AOPEP: variants seen among roughly 807,000 people sequenced by gnomAD.
AOPEP encodes aminopeptidase O.
AOPEP carries 77 observed loss-of-function variants against 98.1 expected under a neutral mutation model. That is an observed-to-expected ratio of 0.78 (90% CI 0.65 to 0.95). AOPEP has a LOEUF of 0.95. Ranked by LOEUF, AOPEP falls within the 40% of genes least tolerant of loss-of-function variation. The pLI is 0.00. For missense variants in AOPEP, 1,024 were observed against 1,024.7 expected (o/e 1.00, Z 0.01); for synonymous variants, 346 against 365.3 (o/e 0.95, Z 0.60).
intron 13 of AOPEP, among the ~76,000 whole-genome samples, chr9:95,008,746 T>C (rs547196017): frequency 2.6e-5 from 4 of 152,350 alleles, no homozygotes; most frequent in African/African-American, 7.2e-5. Flanking sequence ...TTGTGCCATC[T>C]TTCTGTGTTG....
At position 95,060,720 on chromosome 9, in the gene AOPEP, TC is replaced by T; in HGVS notation, c.2143del (p.Leu715TrpfsTer10). On this transcript the variant is annotated frameshift_variant, in exon 14 of 17. Coordinates refer to ENST00000375315, the MANE Select transcript of AOPEP (RefSeq NM_001193329.3). LOFTEE classifies it high-confidence loss of function. The stretch of plus-strand genomic sequence containing the variant: ...TTCTTCCAGACCAGCTGGTCTTGCT[TC>T]TGGAGCATCTCTTGGAGCAGAAGAC... ...KLLPDQLVLL[L>X]EHLLEQKTLS... The T allele has an allele frequency of 6.2e-7, 1 of 1,614,076 alleles. No homozygotes were observed. The highest frequency in any genetic ancestry group is 2.2e-5 in the East Asian group (1 of 44,876).
chr9:94,840,435 G>T (rs527632919), intron 5 of AOPEP, among the ~76,000 whole-genome samples: 1 of 152,276 alleles, frequency 6.6e-6, no homozygotes, highest in Admixed American at 6.5e-5. Flanking sequence ...CTGTGTTCAT[G>T]AGGGATATTG....
chr9:94,843,221 C>T (rs930231829), intron 5 of AOPEP, among the ~76,000 whole-genome samples: 1 of 152,174 alleles, frequency 6.6e-6, no homozygotes, highest in Non-Finnish European at 1.5e-5. Context: ...GGCCTCGGCA[C>T]TTTTCACATC....
At chr9:95,021,125 C>T (rs2133178421) in intron 13 of AOPEP, among the ~76,000 whole-genome samples, 1 of 152,122 alleles carries the variant, frequency 6.6e-6, no homozygotes, top group Middle Eastern at 3.4e-3. Flanking sequence ...TTTAGAGTTT[C>T]TGCAGTCTGT....
chr9:94,845,574 A>T (rs1287111412), intron 5 of AOPEP, among the ~76,000 whole-genome samples: 2 of 152,098 alleles, frequency 1.3e-5, no homozygotes, highest in African/African-American at 4.8e-5. Context: ...CTAATAGAGA[A>T]ATCTACATGC....
chr9:95,026,489 C>T (rs1468402267), intron 13 of AOPEP, among the ~76,000 whole-genome samples: 5 of 152,178 alleles, frequency 3.3e-5, no homozygotes, highest in African/African-American at 7.2e-5. Flanking sequence ...CTTAGCATAA[C>T]GTATTGAGGT....
chr9:94,956,274 G>A (rs1300742919), intron 9 of AOPEP, among the ~76,000 whole-genome samples: 2 of 152,134 alleles, frequency 1.3e-5, no homozygotes, highest in African/African-American at 2.4e-5. Context: ...CAATCCTGCC[G>A]TTCTCTTTAC....
the AOPEP span, chr9:95,111,476 C>T: frequency 8.1e-6 from 13 of 1,613,306 alleles, no homozygotes; most frequent in Admixed American, 6.7e-5. Flanking sequence ...AGTCTGTGCT[C>T]TCTGCTGCCT....
At chr9:94,833,185 C>G (rs1470685498) in intron 5 of AOPEP, among the ~76,000 whole-genome samples, 1 of 150,634 alleles carries the variant, frequency 6.6e-6, no homozygotes, top group African/African-American at 2.4e-5. Flanking sequence ...ATCCACCCGC[C>G]TCTGCCTCCC....
At chr9:94,803,931 G>A (rs1415897363) in intron 5 of AOPEP, among the ~76,000 whole-genome samples, 1 of 152,160 alleles carries the variant, frequency 6.6e-6, no homozygotes, top group East Asian at 1.9e-4. Flanking sequence ...ATCAGGAACC[G>A]TAAAGTATAC....
chr9:95,089,089 A>T (rs2070830410), downstream of AOPEP, among the ~76,000 whole-genome samples: 1 of 152,096 alleles, frequency 6.6e-6, no homozygotes, highest in Non-Finnish European at 1.5e-5. Context: ...GGCATCCTTC[A>T]CCCGTGCCTC....
the AOPEP span, among the ~76,000 whole-genome samples, chr9:95,130,460 C>T: frequency 6.6e-6 from 1 of 152,306 alleles, no homozygotes; most frequent in Non-Finnish European, 1.5e-5. Flanking sequence ...TTATCAAGTG[C>T]TTTCCATCTA....
intron 13 of AOPEP, chr9:95,019,220 A>G (rs1347818407): frequency 2.0e-5 from 3 of 152,206 alleles, no homozygotes; most frequent in African/African-American, 4.8e-5. Flanking sequence ...TTTACTCAAG[A>G]AAACCAGTTG....
chr9:94,989,391 C>T (rs557259767), intron 11 of AOPEP, among the ~76,000 whole-genome samples: 50 of 151,554 alleles, frequency 3.3e-4, no homozygotes, highest in African/African-American at 9.0e-4. Context: ...TGTGGGCCAC[C>T]GCGCCCAGCT....
rs371347450 is a variant in AOPEP, at chr9:95,082,549, T to G, written c.2320-26T>G. ...TGTGGGTACCCACACCTTCGCCTGA[T>G]GCCCTTTGGCCTCTGTGCCCTGCAG... On this transcript the variant is annotated intron_variant, in intron 15 of 16. Transcript: ENST00000375315. 1,129 of 1,611,852 alleles carry G rather than the reference T, an allele frequency of 7.0e-4. No homozygotes were observed. The highest frequency in any genetic ancestry group is 8.7e-4 in the Non-Finnish European group (1,026 of 1,178,672).
the AOPEP span, among the ~76,000 whole-genome samples, chr9:95,128,788 C>T: frequency 3.9e-4 from 60 of 152,352 alleles, no homozygotes; most frequent in Admixed American, 1.2e-3. Flanking sequence ...ATTTCAGACC[C>T]TTGGCTACTC....
In AOPEP at chr9:95,082,574, G is replaced by A. The variant is rs1426693884; in HGVS notation, c.2320-1G>A. 8 of 1,613,984 alleles carry A rather than the reference G, an allele frequency of 5.0e-6. No homozygotes were observed. Among genetic ancestry groups the A allele is most frequent in the Admixed American group, 1.7e-5 (1 of 60,016 alleles). ...TGCCCTTTGGCCTCTGTGCCCTGCA[G>A]GCCATGGGTGTGTACCTCTACGGGG... On this transcript the variant is annotated splice_acceptor_variant, in intron 15 of 16. Transcript: ENST00000375315. LOFTEE classifies it high-confidence loss of function.
chr9:95,094,134 T>C, the AOPEP span, among the ~76,000 whole-genome samples: 1 of 152,102 alleles, frequency 6.6e-6, no homozygotes, highest in African/African-American at 2.4e-5. Flanking sequence ...TGTGAACCTC[T>C]GAGTTGCCCC....
At chr9:94,941,632 A>G (rs2057018891) in intron 7 of AOPEP, among the ~76,000 whole-genome samples, 2 of 152,214 alleles carry the variant, frequency 1.3e-5, no homozygotes, top group South Asian at 4.1e-4. Context: ...CAGCTCTTTT[A>G]AACAGCAAAG....
Sources: gnomAD v4.1 joint callset for allele counts (sites outside exome capture counted in the v4.1 genomes callset) on GRCh38, gnomAD v4.1.1 for gene constraint, MANE v1.5 for transcripts, NCBI Gene and HGNC (gene_info 2026-07-23, HGNC 2026-07-21) for gene names.